ZNF679: variants seen among roughly 807,000 people sequenced by gnomAD.
ZNF679 encodes zinc finger protein 679.
Under a neutral mutation model 13.4 loss-of-function variants are expected in ZNF679, and 10 were observed. The ratio of observed to expected loss-of-function variants is 0.75; its 90% CI spans 0.46 to 1.27. ZNF679 has a LOEUF of 1.27. ZNF679 is among the 50% of genes most tolerant of loss of function. The pLI is 0.00. For missense variants in ZNF679, 525 were observed against 477.8 expected (o/e 1.10, Z -0.92); for synonymous variants, 179 against 162.5 (o/e 1.10, Z -0.77).
At chr7:64,259,814 G>C (rs1161670907) in intron 2 of ZNF679, among the ~76,000 whole-genome samples, 5 of 152,054 alleles carry the variant, frequency 3.3e-5, no homozygotes, top group Non-Finnish European at 5.9e-5. Flanking sequence ...TGTAGTCCCA[G>C]CTACTTGGGA....
chr7:64,242,563 A>T (rs561954922), intron 1 of ZNF679, among the ~76,000 whole-genome samples: 1 of 152,304 alleles, frequency 6.6e-6, no homozygotes, highest in East Asian at 1.9e-4. Flanking sequence ...CACATGTGAC[A>T]GGCATGATCC....
chr7:64,246,296 C>T (rs907158213), intron 1 of ZNF679, among the ~76,000 whole-genome samples: 10 of 152,188 alleles, frequency 6.6e-5, no homozygotes, highest in African/African-American at 1.9e-4. Context: ...AAAAAGTTAG[C>T]CAATTGGCGA....
intron 2 of ZNF679, among the ~76,000 whole-genome samples, chr7:64,258,245 C>T (rs1470712391): frequency 1.3e-5 from 2 of 152,024 alleles, no homozygotes; most frequent in Middle Eastern, 3.4e-3. Context: ...GTCTTTCTGC[C>T]GTGGGTGTGT....
rs2115601122 is a variant in ZNF679 at position 64,260,306 on chromosome 7, G to A, written c.125G>A (p.Arg42Lys). The A allele has an allele frequency of 1.2e-6, 2 of 1,612,778 alleles. No individual in the cohort carries two copies. The highest frequency in any genetic ancestry group is 3.3e-4 in the Middle Eastern group (2 of 6,054). ...CLDHAQQNLY[R>K]DVMLENYRNL... ...GATCACGCTCAGCAGAATTTATATA[G>A]AGATGTGATGTTAGAGAACTACAGA... Residue 42 changes from arginine (R) to lysine (K), a missense_variant, in exon 3 of 5, where the codon AGA (arginine) becomes AAA (lysine). Coordinates refer to ENST00000421025, the MANE Select transcript of ZNF679 (RefSeq NM_153363.3).
chr7:64,266,190 G>A lies in ZNF679; in HGVS notation c.557G>A (p.Cys186Tyr). ...TRHTGKKHFK[C>Y]KKYGKSFCMV... ...CATACTGGAAAGAAACATTTCAAAT[G>A]TAAAAAATATGGCAAATCATTTTGC... The change falls in exon 5 of 5, where the codon TGT becomes TAT. Residue 186 changes from cysteine (C) to tyrosine (Y), a missense_variant. Cys to Tyr is a radical substitution (Grantham distance 194). Coordinates refer to ENST00000421025, the MANE Select transcript of ZNF679 (RefSeq NM_153363.3). 1.3e-6 allele frequency: 2 copies of A among 1,589,840 alleles called. No individual in the cohort carries two copies. The highest frequency in any genetic ancestry group is 1.7e-6 in the Non-Finnish European group (2 of 1,166,352).
At chr7:64,238,855 G>C (rs555385890) in intron 1 of ZNF679, among the ~76,000 whole-genome samples, 2 of 152,228 alleles carry the variant, frequency 1.3e-5, no homozygotes, top group Non-Finnish European at 2.9e-5. Context: ...CCCCACAGTT[G>C]ACATGGTGAC....
chr7:64,264,120 A>G (rs1788112692), intron 4 of ZNF679, among the ~76,000 whole-genome samples: 1 of 152,032 alleles, frequency 6.6e-6, no homozygotes, highest in Non-Finnish European at 1.5e-5. Flanking sequence ...TTTTACCATT[A>G]TATAATATCA....
chr7:64,263,088 C>G (rs955921275), intron 4 of ZNF679, among the ~76,000 whole-genome samples: 1 of 151,802 alleles, frequency 6.6e-6, no homozygotes, highest in Non-Finnish European at 1.5e-5. Flanking sequence ...TATGATTTTG[C>G]TCTTCTTAAA....
In ZNF679 at chr7:64,266,494, G is replaced by A. The variant is rs747187525; in HGVS notation, c.861G>A (p.Lys287=). The change falls in exon 5 of 5, where the codon AAG becomes AAA. Residue 287 remains lysine (K), a synonymous_variant. Coordinates refer to ENST00000421025, the MANE Select transcript of ZNF679 (RefSeq NM_153363.3). ...GCTCCTCAACACTTGCTAACCACAA[G>A]AGAATTCATACTGGAGAGAAACCAT... ...FSRSSTLANH[K]RIHTGEKPYT... is the part of the protein sequence containing the mutation. 4 of 1,613,440 alleles carry A rather than the reference G, an allele frequency of 2.5e-6. No homozygotes were observed. The highest frequency in any genetic ancestry group is 1.7e-5 in the Admixed American group (1 of 59,952).
chr7:64,244,532 A>G (rs1779839240), intron 1 of ZNF679, among the ~76,000 whole-genome samples: 1 of 152,148 alleles, frequency 6.6e-6, no homozygotes, highest in Non-Finnish European at 1.5e-5. Flanking sequence ...AACTACGGTT[A>G]TGAACCTAAC....
intron 2 of ZNF679, among the ~76,000 whole-genome samples, chr7:64,255,505 C>T (rs916084883): frequency 2.6e-5 from 4 of 152,298 alleles, no homozygotes; most frequent in African/African-American, 9.6e-5. Context: ...GTCTAATCTG[C>T]CTGCATGGAC....
rs182554008 is a variant in ZNF679, at chr7:64,254,324, C to A, written c.39+5168C>A. ...TAGAGATGGGTTTTCTCCATGTTGGCCAGGTTGGTCTCAAACTCCTGACCT... is the reference window on the plus strand; with the variant it reads ...TAGAGATGGGTTTTCTCCATGTTGGACAGGTTGGTCTCAAACTCCTGACCT... On this transcript the variant is annotated intron_variant, in intron 2 of 4. Coordinates refer to ENST00000421025, the MANE Select transcript of ZNF679 (RefSeq NM_153363.3). Among the ~76,000 whole-genome samples the A allele has an allele frequency of 6.6e-3, 1,000 of 151,950 alleles. 13 individuals are homozygous for A. The highest frequency in any genetic ancestry group is 0.023 in the African/African-American group (959 of 41,450).
In ZNF679 at chr7:64,232,571, T is replaced by G. The variant is rs557546787; in HGVS notation, c.-91+3919T>G. Among the ~76,000 whole-genome samples the G allele has an allele frequency of 4.6e-5, 7 of 152,320 alleles. No homozygotes were observed. The East Asian group carries it at 1.4e-3, about 29-fold the overall frequency. On this transcript the variant is annotated intron_variant, in intron 1 of 4. Coordinates refer to ENST00000421025, the MANE Select transcript of ZNF679 (RefSeq NM_153363.3). ...GCCAGGGATATGTCACAATACCCAC[T>G]GTAAGCAGAATGCAGGCAGGCATGT...
chr7:64,237,077 G>C (rs1242110245), intron 1 of ZNF679, among the ~76,000 whole-genome samples: 2 of 152,166 alleles, frequency 1.3e-5, no homozygotes, highest in Non-Finnish European at 2.9e-5. Context: ...TAGGGCTACA[G>C]AGACTGGTCC....
chr7:64,230,258 G>C (rs1383301668), intron 1 of ZNF679, among the ~76,000 whole-genome samples: 2 of 152,254 alleles, frequency 1.3e-5, no homozygotes, highest in Admixed American at 6.5e-5. Flanking sequence ...AAGAGGCCGG[G>C]CGCGGTGGCT....
At chr7:64,239,927 C>G (rs1268463994) in intron 1 of ZNF679, among the ~76,000 whole-genome samples, 1 of 152,204 alleles carries the variant, frequency 6.6e-6, no homozygotes, top group East Asian at 1.9e-4. Flanking sequence ...TGAAGTTATT[C>G]TTCCCCCAGG....
chr7:64,254,148 A>G (rs996340860), intron 2 of ZNF679, among the ~76,000 whole-genome samples: 2 of 76,030 alleles, frequency 2.6e-5, no homozygotes, highest in East Asian at 1.5e-3. Flanking sequence ...TTTTTGAGAC[A>G]AAGTCTTGCT....
intron 4 of ZNF679, among the ~76,000 whole-genome samples, chr7:64,264,883 TA>T (rs752120707): frequency 1.8e-4 from 28 of 152,088 alleles, no homozygotes; most frequent in Non-Finnish European, 3.7e-4. Flanking sequence ...TTTCTTACAT[TA>T]TTTTTTTCTT....
intron 4 of ZNF679, 92 bp from the exon 5 acceptor site, chr7:64,265,804 A>G (rs1788135694): frequency 7.0e-7 from 1 of 1,425,138 alleles, no homozygotes; most frequent in Non-Finnish European, 9.3e-7. Flanking sequence ...CATTTTGCTA[A>G]AGTACCTTGT....
Sources: gnomAD v4.1 joint callset for allele counts (sites outside exome capture counted in the v4.1 genomes callset) on GRCh38, gnomAD v4.1.1 for gene constraint, MANE v1.5 for transcripts, NCBI Gene and HGNC (gene_info 2026-07-23, HGNC 2026-07-21) for gene names.